The following ST3GAL3 variants were observed in gnomAD, a reference collection of about 807,000 sequenced individuals.
The protein encoded by ST3GAL3 is ST3 beta-galactoside alpha-2,3-sialyltransferase 3.
ST3GAL3 carries 21 observed loss-of-function variants against 50.1 expected under a neutral mutation model. The ratio of observed to expected loss-of-function variants is 0.42; its 90% CI spans 0.30 to 0.60. The LOEUF (loss-of-function observed/expected upper bound fraction) is 0.60, where lower values mean the gene tolerates loss of function less well. ST3GAL3 is among the 20% of genes least tolerant of loss of function. The pLI is 0.19. For missense variants in ST3GAL3, 353 were observed against 489.4 expected (o/e 0.72, Z 2.63); for synonymous variants, 183 against 190.0 (o/e 0.96, Z 0.30).
At chr1:43,812,896 A>G (rs1390476770) in intron 3 of ST3GAL3, among the ~76,000 whole-genome samples, 1 of 152,188 alleles carries the variant, frequency 6.6e-6, no homozygotes, top group Non-Finnish European at 1.5e-5. Flanking sequence ...TGTGTGTGAA[A>G]CAAAACAAAA....
chr1:43,750,986 T>C (rs1034876507), intron 2 of ST3GAL3, among the ~76,000 whole-genome samples: 9 of 152,228 alleles, frequency 5.9e-5, no homozygotes, highest in African/African-American at 2.2e-4. Flanking sequence ...ATATTTTTGG[T>C]ATATATGACA....
intron 5 of ST3GAL3, among the ~76,000 whole-genome samples, chr1:43,864,729 A>G (rs1021943871): frequency 2.6e-5 from 4 of 152,120 alleles, no homozygotes; most frequent in Admixed American, 2.6e-4. Context: ...TGATAAGGAC[A>G]AGTTCATGTC....
intron 2 of ST3GAL3, among the ~76,000 whole-genome samples, chr1:43,745,419 T>G (rs891842083): frequency 6.8e-6 from 1 of 147,358 alleles, no homozygotes; most frequent in African/African-American, 2.6e-5. Context: ...ATGTCAGATT[T>G]GAAGAGGTAT....
chr1:43,753,278 T>G (rs528521656), intron 2 of ST3GAL3, among the ~76,000 whole-genome samples: 1 of 152,354 alleles, frequency 6.6e-6, no homozygotes, highest in East Asian at 1.9e-4. Flanking sequence ...GACTGCTTAA[T>G]GAAATAGTGG....
At chr1:43,839,411 A>G (rs543267913) in intron 5 of ST3GAL3, 2 of 152,206 alleles carry the variant, frequency 1.3e-5, no homozygotes. Context: ...GCAAGCCTAT[A>G]CGACTCAGTC....
At chr1:43,764,691 A>G (rs1351783882) in intron 2 of ST3GAL3, among the ~76,000 whole-genome samples, 1 of 152,252 alleles carries the variant, frequency 6.6e-6, no homozygotes, top group African/African-American at 2.4e-5. Context: ...TTTCTAAGCC[A>G]TAGAGTGAGA....
At chr1:43,838,382 C>A in intron 5 of ST3GAL3, 71 bp downstream of exon 5, 9 of 1,372,542 alleles carry the variant, frequency 6.6e-6, no homozygotes, top group Non-Finnish European at 9.3e-6. Flanking sequence ...AACTCTGCCT[C>A]TCACAGCCAG....
intron 2 of ST3GAL3, chr1:43,772,793 C>T (rs1379499444): frequency 1.3e-5 from 2 of 152,448 alleles, no homozygotes; most frequent in African/African-American, 2.4e-5. Context: ...TGTCACCAGG[C>T]TGGAGTGCAG....
intron 3 of ST3GAL3, chr1:43,801,235 GGTT>G: frequency 2.2e-6 from 1 of 455,708 alleles, no homozygotes; most frequent in Non-Finnish European, 4.4e-6. Context: ...CAATATTTGT[GGTT>G]GTCATCAGTA....
intron 5 of ST3GAL3, among the ~76,000 whole-genome samples, chr1:43,864,914 G>T (rs571776340): frequency 1.3e-5 from 2 of 152,208 alleles, no homozygotes; most frequent in South Asian, 2.1e-4. Context: ...TGGGGAGAAC[G>T]CTTAGCTTCA....
At chr1:43,749,286 A>G (rs555781940) in intron 2 of ST3GAL3, among the ~76,000 whole-genome samples, 2 of 152,360 alleles carry the variant, frequency 1.3e-5, no homozygotes, top group Admixed American at 1.3e-4. Flanking sequence ...AAAAGCATTA[A>G]CCATAAAAGA....
chr1:43,929,902 G>A (rs1422528266), intron 11 of ST3GAL3: 1 of 653,232 alleles, frequency 1.5e-6, no homozygotes. Context: ...ACGAGGAAAG[G>A]GGTATGAAGG....
At chr1:43,838,396 T>C (rs1013153547) in intron 5 of ST3GAL3, 85 bp downstream of exon 5, 1 of 1,230,004 alleles carries the variant, frequency 8.1e-7, no homozygotes, top group African/African-American at 1.5e-5. Context: ...CAGCCAGTCA[T>C]GTTCTCCTAT....
chr1:43,920,899 G>A lies in ST3GAL3; in HGVS notation c.1009G>A (p.Glu337Lys). ...STPNAPLHYY[E>K]TVRMAAIKES... ...ACCCAACGCACCCCTGCACTACTAT[G>A]AGACCGTTCGCATGGCAGCCATCAA... Residue 337 changes from glutamate (E) to lysine (K), a missense_variant, in exon 11 of 12, where the codon GAG becomes AAG. Physicochemically the swap from Glu to Lys is moderately conservative, Grantham distance 56 (BLOSUM62 1). Coordinates refer to ENST00000347631, the MANE Select transcript of ST3GAL3 (RefSeq NM_006279.5). The A allele has an allele frequency of 6.2e-6, 10 of 1,613,932 alleles. No individual in the cohort carries two copies. Among genetic ancestry groups the A allele is most frequent in the Non-Finnish European group, 8.5e-6 (10 of 1,179,922 alleles).
At chr1:43,905,340 C>T (rs1485551661) in intron 9 of ST3GAL3, among the ~76,000 whole-genome samples, 39 of 122,230 alleles carry the variant, frequency 3.2e-4, no homozygotes, top group South Asian at 6.4e-4. Context: ...TTCCCCTTCC[C>T]ACCACTCTTC....
At chr1:43,845,513 AT>A (rs1312829776) in intron 5 of ST3GAL3, among the ~76,000 whole-genome samples, 1 of 151,664 alleles carries the variant, frequency 6.6e-6, no homozygotes, top group Admixed American at 6.6e-5. Flanking sequence ...CGTAATTTGC[AT>A]TTTTTCTCTC....
At chr1:43,708,318 CAGTA>C (rs1191108985) in intron 1 of ST3GAL3, among the ~76,000 whole-genome samples, 2 of 152,166 alleles carry the variant, frequency 1.3e-5, no homozygotes, top group Non-Finnish European at 2.9e-5. Flanking sequence ...TATGATTCCT[CAGTA>C]AGCCTCATTT....
At chr1:43,816,035 C>T (rs556193022) in intron 4 of ST3GAL3, among the ~76,000 whole-genome samples, 6 of 152,216 alleles carry the variant, frequency 3.9e-5, no homozygotes, top group East Asian at 1.9e-4. Flanking sequence ...CTCACATGGC[C>T]GATGCTCAAT....
At chr1:43,717,753 C>A (rs1668105553) in intron 1 of ST3GAL3, among the ~76,000 whole-genome samples, 1 of 152,046 alleles carries the variant, frequency 6.6e-6, no homozygotes, top group South Asian at 2.1e-4. Flanking sequence ...AGTGATATGC[C>A]CACCTTAGCC....
Sources: allele counts gnomAD v4.1 joint callset (sites outside exome capture counted in the v4.1 genomes callset), GRCh38; gene constraint gnomAD v4.1.1; transcripts MANE v1.5; gene names NCBI Gene and HGNC (gene_info 2026-07-23, HGNC 2026-07-21).